The following CCDC91 variants were observed in gnomAD, a reference collection of about 807,000 sequenced individuals.
CCDC91 encodes the protein coiled-coil domain-containing protein 91.
Under a neutral mutation model 63.2 loss-of-function variants are expected in CCDC91, and 48 were observed. That is an observed-to-expected ratio of 0.76 (90% CI 0.60 to 0.97). CCDC91 has a LOEUF of 0.97. Ranked by LOEUF, CCDC91 falls within the 50% of genes least tolerant of loss-of-function variation. The pLI is 0.00. For missense variants in CCDC91, 500 were observed against 494.6 expected, an observed-to-expected ratio of 1.01 and a Z score of -0.10; for synonymous variants, 167 against 165.8, an observed-to-expected ratio of 1.01 and a Z score of -0.06.
chr12:28,248,127 GAA>G (rs1299161683), intron 1 of CCDC91, among the ~76,000 whole-genome samples: 1 of 152,094 alleles, frequency 6.6e-6, no homozygotes, highest in Non-Finnish European at 1.5e-5. Flanking sequence ...GTGAGAGAGA[GAA>G]GTATGAGGCA....
chr12:28,241,567 C>T (rs547799912), intron 1 of CCDC91, among the ~76,000 whole-genome samples: 24 of 152,068 alleles, frequency 1.6e-4, no homozygotes, highest in Non-Finnish European at 2.8e-4. Context: ...CTAGAGTTCT[C>T]GATGCGCATT....
chr12:28,267,922 A>T (rs1296387324), intron 3 of CCDC91, among the ~76,000 whole-genome samples: 1 of 79,640 alleles, frequency 1.3e-5, no homozygotes, highest in African/African-American at 4.7e-5. Flanking sequence ...TATAATTATT[A>T]TAATTATATA....
intron 6 of CCDC91, among the ~76,000 whole-genome samples, chr12:28,329,806 C>T (rs764716640): frequency 1.3e-5 from 2 of 152,068 alleles, no homozygotes; most frequent in African/African-American, 2.4e-5. Flanking sequence ...TGATGTTCCC[C>T]GCCCTGTGTC....
At chr12:28,246,855 G>A (rs1001328215) in intron 1 of CCDC91, among the ~76,000 whole-genome samples, 1 of 152,194 alleles carries the variant, frequency 6.6e-6, no homozygotes, top group African/African-American at 2.4e-5. Context: ...CCTGGGTTTT[G>A]CATCCTGGAT....
chr12:28,521,626 A>T (rs1329382127), intron 12 of CCDC91, among the ~76,000 whole-genome samples: 1 of 152,166 alleles, frequency 6.6e-6, no homozygotes, highest in East Asian at 1.9e-4. Context: ...AGGAGTGGTG[A>T]GAGGGGACAT....
intron 8 of CCDC91, among the ~76,000 whole-genome samples, chr12:28,426,450 C>T (rs1948321986): frequency 1.3e-5 from 2 of 152,048 alleles, no homozygotes. Context: ...GTGTGTTACA[C>T]CTTTTGCAAT....
chr12:28,448,495 T>C (rs1949645177), intron 8 of CCDC91, among the ~76,000 whole-genome samples: 1 of 152,152 alleles, frequency 6.6e-6, no homozygotes, highest in South Asian at 2.1e-4. Flanking sequence ...ACTGTCAGAA[T>C]TAAGAAATGA....
In CCDC91 at chr12:28,452,536, A is replaced by T. The variant is rs1414692004; in HGVS notation, c.983A>T (p.Asn328Ile). Residue 328 changes from asparagine to isoleucine, a missense_variant, in exon 11 of 13, where the codon AAT (asparagine) becomes ATT (isoleucine). Physicochemically the swap from Asn to Ile is moderately radical, Grantham distance 149 (BLOSUM62 -3). Transcript: ENST00000536442. ...VLKVVEEERK[N>I]LEKAHAEERE... ...AAAGTCGTAGAAGAAGAAAGAAAAA[A>T]TTTAGAAAAAGCGCATGCTGAAGAA... The T allele has an allele frequency of 3.1e-6, 5 of 1,590,472 alleles. No homozygotes were observed. The highest frequency in any genetic ancestry group is 8.6e-7 in the Non-Finnish European group (1 of 1,169,250).
rs572796907 is a variant in CCDC91 at position 28,429,502 on chromosome 12, TTATAA to T, written c.763-20654_763-20650del. On this transcript the variant is annotated intron_variant, in intron 8 of 12. Transcript: ENST00000536442. ...TATCATGGGAAACATATAAAATGAA[TTATAA>T]TATATAATAAACAATACATTCGTGA... Among the ~76,000 whole-genome samples the T allele has an allele frequency of 2.2e-4, 34 of 152,064 alleles. No homozygotes were observed. In the South Asian group the frequency reaches 3.9e-3, roughly 18 times the overall value.
At chr12:28,398,216 A>G (rs887089064) in intron 8 of CCDC91, among the ~76,000 whole-genome samples, 2 of 152,038 alleles carry the variant, frequency 1.3e-5, no homozygotes, top group Admixed American at 6.6e-5. Flanking sequence ...ACAACCCACT[A>G]ATCTATAGTC....
chr12:28,543,328 G>C (rs1326348672), intron 12 of CCDC91, among the ~76,000 whole-genome samples: 26 of 152,034 alleles, frequency 1.7e-4, no homozygotes, highest in Non-Finnish European at 1.5e-5. Flanking sequence ...CTGTTGAATC[G>C]AATATCCCAC....
intron 8 of CCDC91, among the ~76,000 whole-genome samples, chr12:28,431,331 C>G (rs1948614165): frequency 6.6e-6 from 1 of 152,066 alleles, no homozygotes; most frequent in Non-Finnish European, 1.5e-5. Context: ...TGTTAAAATG[C>G]ACTGCTACAA....
intron 12 of CCDC91, among the ~76,000 whole-genome samples, chr12:28,520,287 A>C (rs1337862588): frequency 6.6e-6 from 1 of 151,966 alleles, no homozygotes; most frequent in Non-Finnish European, 1.5e-5. Flanking sequence ...ATGGTGTCTC[A>C]TTGTGGTTTT....
rs1565698861 is a variant in CCDC91, at chr12:28,267,729, T to TATATATTACTATATA, written c.109+8289_109+8290insATATTACTATATAAT. On this transcript the variant is annotated intron_variant, in intron 3 of 12. Coordinates refer to ENST00000536442, the MANE Select transcript of CCDC91 (RefSeq NM_018318.5). ...TAATTATATAATTATATATATTATT[T>TATATATTACTATATA]ATTATATATAATTATATATTACTAT... Among the ~76,000 whole-genome samples, 250 of 31,008 alleles carry TATATATTACTATATA rather than the reference T, an allele frequency of 8.1e-3. 9 individuals carry two copies. The highest frequency in any genetic ancestry group is 0.017 in the Admixed American group (22 of 1,302). 20.3% of individuals were successfully genotyped at this position (31,008 alleles called of 152,430 possible).
At chr12:28,505,828 C>T (rs1938641405) in intron 12 of CCDC91, among the ~76,000 whole-genome samples, 1 of 151,990 alleles carries the variant, frequency 6.6e-6, no homozygotes, top group Non-Finnish European at 1.5e-5. Flanking sequence ...AGTTTCTTTT[C>T]ATTTGCCTTG....
chr12:28,548,922 T>TCAGTTGAATGA, intron 12 of CCDC91, 141 bp from the exon 13 acceptor site: 1 of 565,646 alleles, frequency 1.8e-6, no homozygotes, highest in Non-Finnish European at 3.2e-6. Flanking sequence ...TTACTGTCAT[T>TCAGTTGAATGA]CAGTTGAAAG....
At chr12:28,204,024 A>T (rs768417523) in intron 1 of CCDC91, among the ~76,000 whole-genome samples, 1 of 152,166 alleles carries the variant, frequency 6.6e-6, no homozygotes, top group African/African-American at 2.4e-5. Flanking sequence ...ATGTCTAGAC[A>T]TGTATTTGTG....
At chr12:28,490,883 G>A (rs149683547) in intron 12 of CCDC91, among the ~76,000 whole-genome samples, 143 of 151,302 alleles carry the variant, frequency 9.5e-4, no homozygotes, top group African/African-American at 3.3e-3. Flanking sequence ...CTGACATGTG[G>A]ACAATCACAC....
At chr12:28,343,722 T>C (rs996622699) in intron 6 of CCDC91, among the ~76,000 whole-genome samples, 1 of 152,154 alleles carries the variant, frequency 6.6e-6, no homozygotes, top group African/African-American at 2.4e-5. Context: ...GCAAATTTTA[T>C]ACAGCAAATT....
Sources: gnomAD v4.1 joint callset for allele counts (sites outside exome capture counted in the v4.1 genomes callset) on GRCh38, gnomAD v4.1.1 for gene constraint, MANE v1.5 for transcripts, NCBI Gene and HGNC (gene_info 2026-07-23, HGNC 2026-07-21) for gene names.